ACACA: variants seen among roughly 807,000 people sequenced by gnomAD.
ACACA encodes acetyl-CoA carboxylase alpha.
Under a neutral mutation model 296.1 loss-of-function variants are expected in ACACA, and 103 were observed. The observed-to-expected ratio is 0.35, with a 90% CI of 0.30 to 0.41. ACACA has a LOEUF of 0.41. Among genes scored for constraint, ACACA ranks in the 10% least tolerant of loss-of-function variants. ACACA has a pLI of 1.00. For missense variants in ACACA, 1,554 were observed against 2,989.7 expected, an observed-to-expected ratio of 0.52 and a Z score of 11.20; for synonymous variants, 953 against 1,038.6, an observed-to-expected ratio of 0.92 and a Z score of 1.58.
intron 48 of ACACA, among the ~76,000 whole-genome samples, chr17:37,124,618 A>C (rs748736937): frequency 3.3e-5 from 5 of 152,214 alleles, no homozygotes; most frequent in Non-Finnish European, 7.3e-5. Flanking sequence ...GAATTTTACC[A>C]GGCACAGAGA....
intron 1 of ACACA, among the ~76,000 whole-genome samples, chr17:37,358,331 C>T (rs1039275011): frequency 3.9e-5 from 6 of 152,188 alleles, no homozygotes; most frequent in African/African-American, 1.4e-4. Context: ...CATCAGCTTC[C>T]TACGTCCTAT....
At chr17:37,400,090 ATTTTCAAGCATAT>A (rs1391872780) in intron 1 of ACACA, among the ~76,000 whole-genome samples, 2 of 151,834 alleles carry the variant, frequency 1.3e-5, no homozygotes, top group African/African-American at 4.8e-5. Context: ...TCTCTTAGCA[ATTTTCAAGCATAT>A]ATATATTTTT....
intron 35 of ACACA, 38 bp downstream of exon 35, chr17:37,200,101 A>T: frequency 6.7e-7 from 1 of 1,481,868 alleles, no homozygotes; most frequent in Non-Finnish European, 9.4e-7. Flanking sequence ...GACAAATAAA[A>T]CAGTAAGTAA....
At chr17:37,316,060 A>C (rs2047070547) in intron 3 of ACACA, among the ~76,000 whole-genome samples, 1 of 152,132 alleles carries the variant, frequency 6.6e-6, no homozygotes. Context: ...AAGAAATCCC[A>C]AGGGCTTTAG....
chr17:37,275,495 C>CAAAAAAA (rs34064045), intron 8 of ACACA, among the ~76,000 whole-genome samples: 13 of 61,602 alleles, frequency 2.1e-4, no homozygotes, highest in Middle Eastern at 8.1e-3. Context: ...GACTCCAACT[C>CAAAAAAA]AAAAAAAAAA....
chr17:37,158,397 G>C (rs1159851086), intron 42 of ACACA, among the ~76,000 whole-genome samples: 1 of 152,132 alleles, frequency 6.6e-6, no homozygotes, highest in Non-Finnish European at 1.5e-5. Flanking sequence ...GGGAGGCCAA[G>C]ATGGGCGGAT....
chr17:37,147,388 ATGCACTCAGGGTGAC>A (rs1275355456), intron 45 of ACACA, among the ~76,000 whole-genome samples: 1 of 152,162 alleles, frequency 6.6e-6, no homozygotes. Flanking sequence ...AGAAAGAGAC[ATGCACTCAGGGTGAC>A]TTGCACACAC....
At chr17:37,364,011 C>G (rs1413142640) in intron 1 of ACACA, among the ~76,000 whole-genome samples, 2 of 152,072 alleles carry the variant, frequency 1.3e-5, no homozygotes, top group Admixed American at 1.3e-4. Context: ...GTAATCCCAG[C>G]TACTCAGGAG....
At chr17:37,299,150 A>T (rs1224998997) in intron 3 of ACACA, 8 of 910,304 alleles carry the variant, frequency 8.8e-6, no homozygotes, top group East Asian at 2.8e-5. Context: ...TCATTTTCTT[A>T]AAAAAAATAG....
At chr17:37,232,153 C>G (rs560484605) in intron 25 of ACACA, among the ~76,000 whole-genome samples, 1 of 152,166 alleles carries the variant, frequency 6.6e-6, no homozygotes, top group African/African-American at 2.4e-5. Context: ...ACTAGAGCAA[C>G]GCATATCCCA....
At chr17:37,128,023 TCAAAAAAAAAA>T (rs1409759965) in intron 47 of ACACA, among the ~76,000 whole-genome samples, 2 of 22,532 alleles carry the variant, frequency 8.9e-5, no homozygotes, top group Non-Finnish European at 1.5e-4. Context: ...AAACTCCATC[TCAAAAAAAAAA>T]AAAAAAAAAA....
At chr17:37,184,792 TCA>T (rs1286903502) in intron 39 of ACACA, among the ~76,000 whole-genome samples, 2 of 149,968 alleles carry the variant, frequency 1.3e-5, no homozygotes, top group Non-Finnish European at 2.9e-5. Flanking sequence ...GAGGCTGTGG[TCA>T]GCTATGATTA....
chr17:37,119,157 C>T (rs2074397913), intron 50 of ACACA, among the ~76,000 whole-genome samples: 1 of 152,160 alleles, frequency 6.6e-6, no homozygotes, highest in South Asian at 2.1e-4. Context: ...CTGAATGAAC[C>T]TCATATATAT....
At chr17:37,126,839 G>A (rs922920358) in intron 47 of ACACA, among the ~76,000 whole-genome samples, 7 of 152,182 alleles carry the variant, frequency 4.6e-5, no homozygotes, top group African/African-American at 1.7e-4. Context: ...GCCCAAAGCC[G>A]ATCGTTTAGA....
chr17:37,281,427 T>C (rs1408751054), intron 5 of ACACA, among the ~76,000 whole-genome samples: 2 of 152,234 alleles, frequency 1.3e-5, no homozygotes, highest in Non-Finnish European at 2.9e-5. Flanking sequence ...CACCGGACCC[T>C]GTGCATGTTT....
chr17:37,109,992 G>A (rs2073895495), intron 52 of ACACA, among the ~76,000 whole-genome samples: 1 of 151,956 alleles, frequency 6.6e-6, no homozygotes, highest in African/African-American at 2.4e-5. Context: ...CAAATGGAGT[G>A]CGCGAAATAT....
chr17:37,275,782 T>A (rs899616750), intron 8 of ACACA, among the ~76,000 whole-genome samples, 169 bp downstream of exon 8: 1 of 152,216 alleles, frequency 6.6e-6, no homozygotes, highest in African/African-American at 2.4e-5. Context: ...TTTATATTAC[T>A]AAAAGAATCA....
At chr17:37,219,674 AAC>A (rs2079191942) in intron 29 of ACACA, among the ~76,000 whole-genome samples, 1 of 148,754 alleles carries the variant, frequency 6.7e-6, no homozygotes, top group South Asian at 2.1e-4. Context: ...ATATATAAAA[AAC>A]ATATTTTTCA....
chr17:37,186,898 A>C (rs77306056), intron 39 of ACACA, among the ~76,000 whole-genome samples: 67 of 146,438 alleles, frequency 4.6e-4, no homozygotes, highest in African/African-American at 1.5e-3. Flanking sequence ...AAGGAAAGGA[A>C]AAAAAAAAAA....
Sources: allele counts gnomAD v4.1 joint callset (sites outside exome capture counted in the v4.1 genomes callset), GRCh38; gene constraint gnomAD v4.1.1; transcripts MANE v1.5; gene names NCBI Gene and HGNC (gene_info 2026-07-23, HGNC 2026-07-21).